PSD2: variants seen among roughly 807,000 people sequenced by gnomAD.
The protein encoded by PSD2 is pleckstrin and Sec7 domain containing 2.
In PSD2, 38 loss-of-function variants were observed where a neutral mutation model predicts 69.8. That is an observed-to-expected ratio of 0.54 (90% CI 0.42 to 0.71). The LOEUF (loss-of-function observed/expected upper bound fraction) is 0.71, where lower values mean the gene tolerates loss of function less well. PSD2 is among the 30% of genes least tolerant of loss of function. The pLI is 0.00. For synonymous variants in PSD2, 412 were observed against 423.0 expected (o/e 0.97, Z 0.32); for missense variants, 943 against 1,014.5 (o/e 0.93, Z 0.96).
At chr5:139,762,506 A>C in the PSD2 span, among the ~76,000 whole-genome samples, 9 of 152,190 alleles carry the variant, frequency 5.9e-5, no homozygotes, top group Admixed American at 3.3e-4. Context: ...ATGCCTATCT[A>C]AGTAAAGAAA....
chr5:139,794,388 G>C (rs1040607091), upstream of PSD2, among the ~76,000 whole-genome samples: 32 of 152,300 alleles, frequency 2.1e-4, no homozygotes, highest in African/African-American at 6.7e-4. Context: ...CCCAGCTCCT[G>C]CTGTTGCCCA....
chr5:139,750,301 G>A, the PSD2 span, among the ~76,000 whole-genome samples: 2 of 152,012 alleles, frequency 1.3e-5, no homozygotes, highest in Admixed American at 1.3e-4. Context: ...CTCCAGCCTG[G>A]GCGACAGAGC....
At chr5:139,781,652 G>A in the PSD2 span, among the ~76,000 whole-genome samples, 1 of 145,246 alleles carries the variant, frequency 6.9e-6, no homozygotes, top group East Asian at 2.1e-4. Context: ...TTTTTATTTT[G>A]AGATGGACTC....
At chr5:139,753,913 C>T in the PSD2 span, among the ~76,000 whole-genome samples, 14 of 152,044 alleles carry the variant, frequency 9.2e-5, no homozygotes, top group African/African-American at 2.4e-4. Flanking sequence ...CTTGGCTCAC[C>T]GCAAACTCCG....
At position 139,837,173 on chromosome 5, in the gene PSD2, C is replaced by T. The variant is rs1458352828; in HGVS notation, c.1600C>T (p.Arg534Cys). The change falls in exon 11 of 15, where the codon CGT (arginine) becomes TGT (cysteine). Residue 534 changes from arginine to cysteine, a missense_variant. Arg to Cys is a radical substitution (Grantham distance 180). This residue lies in a region of PSD2 where 312 missense variants were observed against 400.7 expected (regional missense o/e 0.78). Coordinates refer to ENST00000274710, the MANE Select transcript of PSD2 (RefSeq NM_032289.4). This position sits in a 1 kb window ranked among gnomAD's most constrained non-coding sequence, Gnocchi z 5.0. Reference sequence around the variant, plus strand: ...ACCAGTGCCCTCCTCCCCAGCGCCCCGTGGGAGGCGTGGCTGGAAGAAATT... The same window carrying T: ...ACCAGTGCCCTCCTCCCCAGCGCCCTGTGGGAGGCGTGGCTGGAAGAAATT... ...HADMDGKRTP[R>C]GRRGWKKFYA... is the part of the protein sequence containing the mutation. The T allele has an allele frequency of 1.1e-5, 17 of 1,613,946 alleles. No homozygotes were observed. Among genetic ancestry groups the T allele is most frequent in the Middle Eastern group, 1.6e-4 (1 of 6,082 alleles).
At chr5:139,779,678 A>G in the PSD2 span, among the ~76,000 whole-genome samples, 2 of 152,222 alleles carry the variant, frequency 1.3e-5, no homozygotes, top group African/African-American at 4.8e-5. Context: ...CATCACTCCA[A>G]AAAGTTTCCT....
chr5:139,773,128 C>G, the PSD2 span, among the ~76,000 whole-genome samples: 1 of 152,178 alleles, frequency 6.6e-6, no homozygotes, highest in African/African-American at 2.4e-5. Context: ...GCAACCGTCA[C>G]CACCATCCAT....
rs550333893 is a variant in PSD2, at chr5:139,806,215, C to A, written c.-50-3176C>A. ...CCAATGCCAGCCTGTCATTTGCAGG[C>A]GTCTCCTTGGGATGGGTGCCCAGTG... On this transcript the variant is annotated intron_variant, in intron 1 of 14. Coordinates refer to ENST00000274710, the MANE Select transcript of PSD2 (RefSeq NM_032289.4). 7.9e-5 allele frequency among the ~76,000 whole-genome samples: 12 copies of A among 152,374 alleles called. No individual in the cohort carries two copies. In the East Asian group the frequency reaches 2.3e-3, roughly 29 times the overall value.
the PSD2 span, among the ~76,000 whole-genome samples, chr5:139,767,112 C>T: frequency 7.3e-5 from 11 of 150,698 alleles, no homozygotes; most frequent in African/African-American, 2.7e-4. Context: ...ACTGCCTCAG[C>T]CTCCCGAGTA....
At chr5:139,834,113 T>C (rs1326646235) in intron 8 of PSD2, among the ~76,000 whole-genome samples, 1 of 152,158 alleles carries the variant, frequency 6.6e-6, no homozygotes, top group African/African-American at 2.4e-5. Flanking sequence ...AACATCATTA[T>C]CATCACCACA....
chr5:139,798,928 G>T (rs150509875), intron 1 of PSD2, among the ~76,000 whole-genome samples: 37 of 151,800 alleles, frequency 2.4e-4, no homozygotes, highest in African/African-American at 8.5e-4. Context: ...AGTTATTATG[G>T]CTCTTTAGTG....
chr5:139,752,925 A>G, the PSD2 span, among the ~76,000 whole-genome samples: 1 of 149,276 alleles, frequency 6.7e-6, no homozygotes, highest in African/African-American at 2.5e-5. Flanking sequence ...CCAGTCTTTG[A>G]CCAACCCCTC....
At chr5:139,811,677 C>T (rs150022095) in intron 2 of PSD2, among the ~76,000 whole-genome samples, 20 of 152,238 alleles carry the variant, frequency 1.3e-4, no homozygotes, top group African/African-American at 4.3e-4. Flanking sequence ...TCACTGCAAG[C>T]TCCACCTCCC....
At chr5:139,799,962 C>T (rs768367383) in intron 1 of PSD2, among the ~76,000 whole-genome samples, 2 of 152,066 alleles carry the variant, frequency 1.3e-5, no homozygotes, top group Non-Finnish European at 2.9e-5. Flanking sequence ...GTGTGGGAAG[C>T]TCATTTGGTG....
At chr5:139,798,927 G>A (rs1207712942) in intron 1 of PSD2, among the ~76,000 whole-genome samples, 1 of 151,734 alleles carries the variant, frequency 6.6e-6, no homozygotes, top group African/African-American at 2.4e-5. Context: ...TAGTTATTAT[G>A]GCTCTTTAGT....
At chr5:139,830,565 C>CCTTCCTTCCTTCCTTTCTTT (rs1554096354) in intron 7 of PSD2, among the ~76,000 whole-genome samples, 188 of 120,378 alleles carry the variant, frequency 1.6e-3, no homozygotes, top group African/African-American at 5.9e-3. Context: ...TTCCTTCCTT[C>CCTTCCTTCCTTCCTTTCTTT]CTTTCTTTCT....
chr5:139,813,860 T>C (rs1760044260), intron 3 of PSD2, 102 bp downstream of exon 3: 1 of 1,037,784 alleles, frequency 9.6e-7, no homozygotes, highest in South Asian at 1.7e-5. Context: ...AGAGTCAGCA[T>C]GCCCTCTTCA....
chr5:139,809,009 GT>G (rs1038293668), intron 1 of PSD2, among the ~76,000 whole-genome samples: 9 of 152,236 alleles, frequency 5.9e-5, no homozygotes, highest in Non-Finnish European at 5.9e-5. Context: ...CTGACAGCCT[GT>G]GGTTTGTCAC....
the PSD2 span, among the ~76,000 whole-genome samples, chr5:139,785,826 C>T: frequency 5.5e-4 from 84 of 152,182 alleles, no homozygotes; most frequent in Non-Finnish European, 9.7e-4. Context: ...CAGTGGCTCG[C>T]GCCTATAATC....
Sources: allele counts gnomAD v4.1 joint callset (sites outside exome capture counted in the v4.1 genomes callset), GRCh38; gene constraint gnomAD v4.1.1; regional missense constraint gnomAD v4.1.1; non-coding constraint Gnocchi (gnomAD v3.1); transcripts MANE v1.5; gene names NCBI Gene and HGNC (gene_info 2026-07-23, HGNC 2026-07-21).